The following RNF115 variants were observed in gnomAD, a reference collection of about 807,000 sequenced individuals.
The protein encoded by RNF115 is ring finger protein 115.
A neutral mutation model predicts 39.2 loss-of-function variants in RNF115; 31 were observed. The ratio of observed to expected loss-of-function variants is 0.79; its 90% CI spans 0.59 to 1.07. The LOEUF (loss-of-function observed/expected upper bound fraction) is 1.07, where lower values mean the gene tolerates loss of function less well. Ranked by LOEUF, RNF115 falls within the 50% of genes least tolerant of loss-of-function variation. The pLI is 0.00. For synonymous variants in RNF115, 124 were observed against 131.0 expected (o/e 0.95, Z 0.37); for missense variants, 384 against 381.7 (o/e 1.01, Z -0.05).
In RNF115 at chr1:145,774,838, T is replaced by A. The variant is rs906470865; in HGVS notation, c.220-2919A>T. Among the ~76,000 whole-genome samples the A allele has an allele frequency of 2.3e-4, 35 of 152,346 alleles. No individual in the cohort carries two copies. In the Middle Eastern group the frequency reaches 0.014, roughly 59 times the overall value. ...TCTAATTGCCTTAGTATCTTTTTTTTAAAATTCTATATTTTAATAGTTAAT... is the reference window on the plus strand; with the variant it reads ...TCTAATTGCCTTAGTATCTTTTTTTAAAAATTCTATATTTTAATAGTTAAT... On this transcript the variant is annotated intron_variant, in intron 3 of 8. Transcript: ENST00000582693.
intron 1 of RNF115, among the ~76,000 whole-genome samples, chr1:145,820,367 T>C (rs1327984124): frequency 4.6e-5 from 7 of 151,728 alleles, no homozygotes; most frequent in Admixed American, 2.0e-4. Context: ...CAGGAGGATA[T>C]AGTGGGAGGA....
At chr1:145,822,277 G>A (rs1259369810) in intron 1 of RNF115, among the ~76,000 whole-genome samples, 1 of 149,704 alleles carries the variant, frequency 6.7e-6, no homozygotes, top group Non-Finnish European at 1.5e-5. Flanking sequence ...GCAGTCAGCC[G>A]AAATCATGCT....
intron 1 of RNF115, among the ~76,000 whole-genome samples, chr1:145,821,457 CTT>C (rs1172613737): frequency 0.019 from 899 of 47,378 alleles, 16 homozygotes; most frequent in African/African-American, 0.038. Context: ...TCTTCTCACT[CTT>C]TTTTTTTTTT....
intron 1 of RNF115, among the ~76,000 whole-genome samples, chr1:145,805,322 C>T (rs1253258597): frequency 6.6e-6 from 1 of 151,846 alleles, no homozygotes; most frequent in Non-Finnish European, 1.5e-5. Flanking sequence ...AATTAATTAA[C>T]TGAATACAAC....
At position 145,823,947 on chromosome 1, in the gene RNF115, A is replaced by T; in HGVS notation, c.-74T>A. The T allele has an allele frequency of 8.9e-7, 1 of 1,117,412 alleles. No homozygotes were observed. The highest frequency in any genetic ancestry group is 1.2e-6 in the Non-Finnish European group (1 of 838,568). 69.2% of individuals were successfully genotyped at this position (1,117,412 alleles called of 1,614,324 possible). A position where few individuals can be genotyped will look rare whatever the true frequency, so the allele number is the denominator to read the frequency against. ...GCCAGGCCGCTACCTCCCGAGCTGC[A>T]GTCGTCGCCGCCGCCGCCGCCTCGG... is the stretch of plus-strand genomic sequence containing the variant. On this transcript the variant is annotated 5_prime_UTR_variant, in exon 1 of 9. Coordinates refer to ENST00000582693, the MANE Select transcript of RNF115 (RefSeq NM_014455.4).
rs72995981 is a variant in RNF115, at chr1:145,786,921, T to C, written c.161+1987A>G. The C allele has an allele frequency of 9.2e-4, 454 of 494,652 alleles. 1 individual carries two copies. Among genetic ancestry groups the C allele is most frequent in the African/African-American group, 7.9e-3 (398 of 50,064 alleles). The allele number at this position is 494,652 out of a possible 1,614,324, so 30.6% of individuals were successfully genotyped here. ...AAGATGACATTTAACTGTATCAAAA[T>C]AGATCCCATGCCACATATTGCCCCA... On this transcript the variant is annotated intron_variant, in intron 2 of 8. Transcript: ENST00000582693.
chr1:145,749,329 T>C (rs1553712157), intron 7 of RNF115, among the ~76,000 whole-genome samples: 1 of 152,162 alleles, frequency 6.6e-6, no homozygotes, highest in African/African-American at 2.4e-5. Context: ...ATATATCCTA[T>C]ACTTTGCTAC....
At chr1:145,768,821 A>C (rs1553715350) in intron 4 of RNF115, among the ~76,000 whole-genome samples, 1 of 152,250 alleles carries the variant, frequency 6.6e-6, no homozygotes, top group Non-Finnish European at 1.5e-5. Context: ...ACATACAGTG[A>C]CATCATAATG....
intron 2 of RNF115, 98 bp downstream of exon 2, chr1:145,788,810 G>A (rs782525733): frequency 6.9e-6 from 6 of 870,240 alleles, no homozygotes; most frequent in South Asian, 6.7e-5. Context: ...TCTCTGTAGA[G>A]TGTAAGTTGT....
intron 1 of RNF115, among the ~76,000 whole-genome samples, chr1:145,823,040 C>CG (rs1458984571): frequency 1.3e-5 from 1 of 78,134 alleles, no homozygotes; most frequent in African/African-American, 3.9e-5. Context: ...AGGGACAGGG[C>CG]GGGGGGCGGA....
intron 4 of RNF115, among the ~76,000 whole-genome samples, chr1:145,767,490 T>G (rs1571728900): frequency 7.4e-6 from 1 of 134,448 alleles, no homozygotes; most frequent in Middle Eastern, 3.9e-3. Flanking sequence ...CTTTCCAGAC[T>G]GGGCAGCCAG....
At chr1:145,806,176 C>T (rs1346034788) in intron 1 of RNF115, among the ~76,000 whole-genome samples, 1 of 151,986 alleles carries the variant, frequency 6.6e-6, no homozygotes, top group Admixed American at 6.6e-5. Flanking sequence ...GGTGAAACCC[C>T]GTCTCTACTA....
At chr1:145,768,433 A>T (rs1647481510) in intron 4 of RNF115, among the ~76,000 whole-genome samples, 1 of 152,238 alleles carries the variant, frequency 6.6e-6, no homozygotes. Context: ...CTCCTGCCTC[A>T]GCTTCCTGAG....
chr1:145,779,693 C>T (rs587612090), intron 3 of RNF115, among the ~76,000 whole-genome samples: 3 of 152,082 alleles, frequency 2.0e-5, no homozygotes, highest in South Asian at 2.1e-4. Flanking sequence ...AACGGAGTCT[C>T]GCTCTGTTGC....
chr1:145,765,036 A>G (rs890967962), intron 4 of RNF115, among the ~76,000 whole-genome samples: 13 of 152,244 alleles, frequency 8.5e-5, no homozygotes, highest in Non-Finnish European at 1.5e-5. Flanking sequence ...TCTGTGTAGA[A>G]AGAAGTAGAC....
chr1:145,779,560 T>C (rs1648030853), intron 3 of RNF115, among the ~76,000 whole-genome samples: 1 of 152,186 alleles, frequency 6.6e-6, no homozygotes, highest in African/African-American at 2.4e-5. Flanking sequence ...TACAATATAC[T>C]CTTATGACAG....
intron 3 of RNF115, among the ~76,000 whole-genome samples, chr1:145,782,400 T>C (rs1161167191): frequency 6.6e-6 from 1 of 152,064 alleles, no homozygotes; most frequent in African/African-American, 2.4e-5. Flanking sequence ...GGTGGGAGGA[T>C]CACTTAAGCT....
chr1:145,806,771 G>A (rs188782237), intron 1 of RNF115, among the ~76,000 whole-genome samples: 1 of 152,308 alleles, frequency 6.6e-6, no homozygotes. Context: ...GAAGCTTCTT[G>A]TACTGTCTGC....
At chr1:145,751,205 T>G (rs1159936883) in intron 6 of RNF115, among the ~76,000 whole-genome samples, 1 of 152,226 alleles carries the variant, frequency 6.6e-6, no homozygotes, top group Non-Finnish European at 1.5e-5. Flanking sequence ...AGAAGTCTTT[T>G]CTTCCTATGG....
Sources: allele counts gnomAD v4.1 joint callset (sites outside exome capture counted in the v4.1 genomes callset), GRCh38; gene constraint gnomAD v4.1.1; transcripts MANE v1.5; gene names NCBI Gene and HGNC (gene_info 2026-07-23, HGNC 2026-07-21).